Variants in HPSE2 observed in about 807,000 individuals in gnomAD.
HPSE2 encodes the protein inactive heparanase-2.
Under a neutral mutation model 60.5 loss-of-function variants are expected in HPSE2, and 38 were observed. The observed-to-expected ratio is 0.63, with a 90% confidence interval of 0.48 to 0.82. HPSE2 has a LOEUF of 0.82. Among genes scored for constraint, HPSE2 ranks in the 40% least tolerant of loss-of-function variants. The probability of loss-of-function intolerance (pLI) is 0.00; values close to 1 mark genes in which losing one functional copy is unlikely to be tolerated. For missense variants in HPSE2, 713 were observed against 740.4 expected, an observed-to-expected ratio of 0.96 and a Z score of 0.43; for synonymous variants, 295 against 293.2, an observed-to-expected ratio of 1.01 and a Z score of -0.06.
At chr10:99,235,455 G>A in intron 1 of HPSE2, 58 bp downstream of exon 1, 1 of 1,462,434 alleles carries the variant, frequency 6.8e-7, no homozygotes, top group East Asian at 2.3e-5. Flanking sequence ...GGGATAGGAA[G>A]GGCTTGAGGG....
At chr10:98,935,453 C>T (rs1282115075) in intron 3 of HPSE2, among the ~76,000 whole-genome samples, 1 of 143,768 alleles carries the variant, frequency 7.0e-6, no homozygotes, top group East Asian at 2.0e-4. Flanking sequence ...GGCTGACAAC[C>T]TTTGGATAGG....
intron 5 of HPSE2, among the ~76,000 whole-genome samples, chr10:98,712,587 G>A (rs1948701002): frequency 6.6e-6 from 1 of 152,068 alleles, no homozygotes; most frequent in African/African-American, 2.4e-5. Flanking sequence ...GATATAAAAT[G>A]GCAATTTTTC....
chr10:98,614,291 G>GTT (rs1199224334), intron 9 of HPSE2, among the ~76,000 whole-genome samples: 4 of 93,808 alleles, frequency 4.3e-5, no homozygotes, highest in Admixed American at 1.3e-4. Context: ...CACAAGGATT[G>GTT]TTTTGTTTTT....
intron 3 of HPSE2, among the ~76,000 whole-genome samples, chr10:99,114,586 T>C (rs1325857728): frequency 6.6e-6 from 1 of 152,148 alleles, no homozygotes; most frequent in East Asian, 1.9e-4. Flanking sequence ...CAACTTAGGA[T>C]ATAAATAAAT....
intron 9 of HPSE2, among the ~76,000 whole-genome samples, chr10:98,523,996 G>C (rs920862151): frequency 6.6e-6 from 1 of 152,160 alleles, no homozygotes; most frequent in Non-Finnish European, 1.5e-5. Context: ...TTTTGGCAGA[G>C]TGAAGGATTT....
chr10:98,930,618 C>T (rs1954616565), intron 3 of HPSE2, among the ~76,000 whole-genome samples: 1 of 144,732 alleles, frequency 6.9e-6, no homozygotes, highest in Non-Finnish European at 1.5e-5. Flanking sequence ...TACAAGCGTT[C>T]CTATTTCTCC....
chr10:98,902,126 G>A (rs1406875569), intron 3 of HPSE2, among the ~76,000 whole-genome samples: 1 of 152,100 alleles, frequency 6.6e-6, no homozygotes, highest in African/African-American at 2.4e-5. Context: ...ACAAAATGCT[G>A]ACTTAAGAAG....
chr10:98,598,005 T>C (rs1945293887), intron 9 of HPSE2, among the ~76,000 whole-genome samples: 1 of 150,744 alleles, frequency 6.6e-6, no homozygotes, highest in African/African-American at 2.4e-5. Flanking sequence ...AAAATTGCTC[T>C]TTTGATGCTG....
intron 3 of HPSE2, among the ~76,000 whole-genome samples, chr10:98,957,593 A>G (rs1016537262): frequency 5.3e-5 from 8 of 152,148 alleles, no homozygotes; most frequent in African/African-American, 1.9e-4. Flanking sequence ...AATTTATCTA[A>G]GTCTTCTTGT....
intron 3 of HPSE2, among the ~76,000 whole-genome samples, chr10:99,102,841 T>A (rs1271673258): frequency 6.6e-6 from 1 of 152,106 alleles, no homozygotes; most frequent in Non-Finnish European, 1.5e-5. Flanking sequence ...TGCAAATCAA[T>A]AAATGTAATC....
At chr10:98,846,030 A>T (rs952323308) in intron 3 of HPSE2, among the ~76,000 whole-genome samples, 1 of 152,230 alleles carries the variant, frequency 6.6e-6, no homozygotes, top group Non-Finnish European at 1.5e-5. Flanking sequence ...GTTTCCTATC[A>T]AGCAAGATAA....
At chr10:98,560,169 T>A (rs1048845549) in intron 9 of HPSE2, among the ~76,000 whole-genome samples, 1 of 152,146 alleles carries the variant, frequency 6.6e-6, no homozygotes, top group African/African-American at 2.4e-5. Context: ...AGTCGCTTAG[T>A]TTCCCCCTTA....
At chr10:98,803,889 G>T (rs538912410) in intron 3 of HPSE2, among the ~76,000 whole-genome samples, 10 of 150,152 alleles carry the variant, frequency 6.7e-5, no homozygotes, top group East Asian at 3.9e-4. Context: ...GGGGATGGCA[G>T]TGAATCTATA....
intron 9 of HPSE2, among the ~76,000 whole-genome samples, chr10:98,507,257 C>T (rs964352789): frequency 2.0e-5 from 3 of 151,824 alleles, no homozygotes; most frequent in African/African-American, 7.3e-5. Flanking sequence ...ATTCACAGGC[C>T]CTGAGTGTAT....
At chr10:98,868,626 A>C (rs1168958347) in intron 3 of HPSE2, among the ~76,000 whole-genome samples, 1 of 152,194 alleles carries the variant, frequency 6.6e-6, no homozygotes, top group East Asian at 1.9e-4. Context: ...AAATATGTAC[A>C]CCTACTATGT....
rs80333773 is a variant in HPSE2, at chr10:99,166,511, G to T, written c.449-22112C>A. Among the ~76,000 whole-genome samples, 514 of 152,144 alleles carry T rather than the reference G, an allele frequency of 3.4e-3. 3 individuals are homozygous for T. The highest frequency in any genetic ancestry group is 0.012 in the African/African-American group (492 of 41,508). On this transcript the variant is annotated intron_variant, in intron 2 of 11. Coordinates refer to ENST00000370552, the MANE Select transcript of HPSE2 (RefSeq NM_021828.5). ...TTGTTAGACTTCTAATACAGTTATAGGGGTATCTCATTGTGGTATTTTCAG... is the reference window on the plus strand; with the variant it reads ...TTGTTAGACTTCTAATACAGTTATATGGGTATCTCATTGTGGTATTTTCAG...
At chr10:99,287,608 T>G in the HPSE2 span, among the ~76,000 whole-genome samples, 15 of 152,230 alleles carry the variant, frequency 9.9e-5, no homozygotes, top group African/African-American at 3.6e-4. Context: ...TTGCAGCAGA[T>G]CCTCTTAAAT....
At chr10:98,731,852 A>T (rs536465441) in intron 4 of HPSE2, among the ~76,000 whole-genome samples, 1 of 152,332 alleles carries the variant, frequency 6.6e-6, no homozygotes, top group South Asian at 2.1e-4. Context: ...ATTCTCAGAC[A>T]ATATGATCCT....
intron 9 of HPSE2, among the ~76,000 whole-genome samples, chr10:98,600,921 A>AT (rs1565003030): frequency 2.9e-4 from 11 of 37,510 alleles, no homozygotes; most frequent in Non-Finnish European, 8.3e-4. Flanking sequence ...GTATATATAT[A>AT]TATATATATA....
Sources: allele counts gnomAD v4.1 joint callset (sites outside exome capture counted in the v4.1 genomes callset), GRCh38; gene constraint gnomAD v4.1.1; transcripts MANE v1.5; gene names NCBI Gene and HGNC (gene_info 2026-07-23, HGNC 2026-07-21).